TENM3: variants seen among roughly 807,000 people sequenced by gnomAD.
TENM3 encodes teneurin transmembrane protein 3, also known as teneurin-3.
Under a neutral mutation model 255.1 loss-of-function variants are expected in TENM3, and 63 were observed. The ratio of observed to expected loss-of-function variants is 0.25; its 90% CI spans 0.20 to 0.30. The LOEUF (loss-of-function observed/expected upper bound fraction) is 0.30. Among genes scored for constraint, TENM3 ranks in the 10% least tolerant of loss-of-function variants. TENM3 has a pLI of 1.00. For missense variants in TENM3, 2,929 were observed against 3,461.1 expected, an observed-to-expected ratio of 0.85 and a Z score of 3.86; for synonymous variants, 1,306 against 1,322.3, an observed-to-expected ratio of 0.99 and a Z score of 0.27.
At chr4:182,096,932 A>T in the TENM3 span, among the ~76,000 whole-genome samples, 52,618 of 152,060 alleles carry the variant, frequency 0.35, 9,210 homozygotes, top group Middle Eastern at 0.44. Flanking sequence ...AAAGACATCC[A>T]CTTTTGTAAT....
the TENM3 span, among the ~76,000 whole-genome samples, chr4:182,025,365 T>C: frequency 2.6e-5 from 4 of 152,198 alleles, no homozygotes; most frequent in African/African-American, 7.2e-5. Flanking sequence ...AGTATTCCAT[T>C]GTGTGTATGT....
chr4:181,916,438 G>C, the TENM3 span, among the ~76,000 whole-genome samples: 1,408 of 152,232 alleles, frequency 9.2e-3, 15 homozygotes, highest in African/African-American at 0.032. Context: ...ACATAAATCA[G>C]CTCAAGCCTA....
At chr4:182,287,374 G>A (rs754050975) in intron 1 of TENM3, among the ~76,000 whole-genome samples, 5 of 152,144 alleles carry the variant, frequency 3.3e-5, no homozygotes, top group Admixed American at 6.5e-5. Flanking sequence ...GTAATACACC[G>A]AGCTTTTGCT....
At chr4:181,988,960 C>T in the TENM3 span, among the ~76,000 whole-genome samples, 2 of 152,016 alleles carry the variant, frequency 1.3e-5, no homozygotes, top group Non-Finnish European at 2.9e-5. Flanking sequence ...CCCACGACCC[C>T]ACTTAGCAGT....
At chr4:181,647,045 T>C in the TENM3 span, among the ~76,000 whole-genome samples, 2 of 152,150 alleles carry the variant, frequency 1.3e-5, no homozygotes, top group African/African-American at 4.8e-5. Context: ...AAGCAGAGTG[T>C]AGATGCTGCC....
intron 1 of TENM3, among the ~76,000 whole-genome samples, chr4:182,320,588 T>C (rs915544708): frequency 9.9e-5 from 15 of 152,284 alleles, no homozygotes; most frequent in Admixed American, 2.6e-4. Context: ...ATCATAATCT[T>C]ACTACATCTG....
At chr4:182,252,100 T>A (rs2150120622) in intron 1 of TENM3, among the ~76,000 whole-genome samples, 1 of 152,126 alleles carries the variant, frequency 6.6e-6, no homozygotes, top group Middle Eastern at 3.4e-3. Flanking sequence ...GGAGAATTGC[T>A]TGAACCCAAG....
At chr4:181,612,822 A>C in the TENM3 span, among the ~76,000 whole-genome samples, 4 of 152,168 alleles carry the variant, frequency 2.6e-5, no homozygotes, top group Non-Finnish European at 5.9e-5. Flanking sequence ...AAGTTTTCTA[A>C]ATATTATGTG....
the TENM3 span, among the ~76,000 whole-genome samples, chr4:181,982,209 G>A: frequency 2.6e-5 from 4 of 152,090 alleles, no homozygotes; most frequent in South Asian, 2.1e-4. Flanking sequence ...GAATTTCAGC[G>A]GCGCGATTAA....
chr4:182,027,265 C>A, the TENM3 span, among the ~76,000 whole-genome samples: 1 of 152,012 alleles, frequency 6.6e-6, no homozygotes, highest in Admixed American at 6.5e-5. Context: ...TTTTTGATTT[C>A]TCTTCAGATT....
At chr4:182,144,172 C>T (rs1430809989), upstream of TENM3, 1 of 146,466 alleles carries the variant, frequency 6.8e-6, no homozygotes, top group Non-Finnish European at 1.5e-5. Context: ...GTAGGCTCCT[C>T]TCCTCTCCTC....
chr4:182,098,825 G>A, the TENM3 span, among the ~76,000 whole-genome samples: 3 of 151,926 alleles, frequency 2.0e-5, no homozygotes, highest in Admixed American at 2.0e-4. Context: ...GAATAGAATT[G>A]GAATGTTCTC....
At chr4:181,561,534 C>A in the TENM3 span, among the ~76,000 whole-genome samples, 1 of 152,086 alleles carries the variant, frequency 6.6e-6, no homozygotes, top group Non-Finnish European at 1.5e-5. Context: ...CAGTAGTAAC[C>A]TTTCACAAAT....
rs1343064517 is a variant in TENM3 at position 182,628,886 on chromosome 4, A to G, written c.985A>G (p.Ile329Val). Residue 329 changes from isoleucine (I) to valine (V), a missense_variant, in exon 5 of 28, where the codon ATA becomes GTA. By Grantham distance (29) the Ile-to-Val change is conservative (BLOSUM62 3). This residue lies in a region of TENM3 where 1,608 missense variants were observed against 1,884.4 expected (regional missense o/e 0.85). Coordinates refer to ENST00000511685, the MANE Select transcript of TENM3 (RefSeq NM_001080477.4). ...CCTGGCAATACTCCTGTCTTATTTTATAGGTAAGAACAAGTTCTTAGAATT... is the reference window on the plus strand; with the variant it reads ...CCTGGCAATACTCCTGTCTTATTTTGTAGGTAAGAACAAGTTCTTAGAATT... The part of the protein sequence containing the change: ...VLLAILLSYF[I>V]AMHLFGLNWQ... 2 of 1,565,598 alleles carry G rather than the reference A, an allele frequency of 1.3e-6. No individual in the cohort carries two copies. The highest frequency in any genetic ancestry group is 2.3e-5 in the East Asian group (1 of 44,182).
At chr4:182,306,421 T>G (rs79046830) in intron 1 of TENM3, among the ~76,000 whole-genome samples, 2,357 of 152,294 alleles carry the variant, frequency 0.015, 50 homozygotes, top group Admixed American at 0.064. Context: ...TGAAAATGTT[T>G]ATAAGTTATA....
chr4:182,101,760 A>C, the TENM3 span, among the ~76,000 whole-genome samples: 1 of 152,198 alleles, frequency 6.6e-6, no homozygotes, highest in African/African-American at 2.4e-5. Context: ...GCTAAAAAGA[A>C]TAGATGTTAA....
At chr4:181,977,566 A>G in the TENM3 span, among the ~76,000 whole-genome samples, 1 of 152,156 alleles carries the variant, frequency 6.6e-6, no homozygotes, top group African/African-American at 2.4e-5. Context: ...ATAAGAAATG[A>G]AGTTTTGAGA....
At chr4:182,126,955 A>T in the TENM3 span, among the ~76,000 whole-genome samples, 1 of 152,104 alleles carries the variant, frequency 6.6e-6, no homozygotes, top group Non-Finnish European at 1.5e-5. Flanking sequence ...TCACCAATCT[A>T]CCTTTGCAAA....
At chr4:181,746,536 G>A in the TENM3 span, among the ~76,000 whole-genome samples, 67 of 152,230 alleles carry the variant, frequency 4.4e-4, no homozygotes, top group Non-Finnish European at 7.6e-4. Context: ...ACAGTAGTCT[G>A]TGGGTAGTAA....
Sources: allele counts gnomAD v4.1 joint callset (sites outside exome capture counted in the v4.1 genomes callset), GRCh38; gene constraint gnomAD v4.1.1; regional missense constraint gnomAD v4.1.1; transcripts MANE v1.5; gene names NCBI Gene and HGNC (gene_info 2026-07-23, HGNC 2026-07-21).